PGR: variants seen among roughly 807,000 people sequenced by gnomAD.
PGR encodes the protein progesterone receptor, also known as nuclear receptor subfamily 3 group C member 3.
Under a neutral mutation model 76.1 loss-of-function variants are expected in PGR, and 25 were observed. The ratio of observed to expected loss-of-function variants is 0.33; its 90% CI spans 0.24 to 0.46. PGR has a LOEUF of 0.46. Ranked by LOEUF, PGR falls within the 20% of genes least tolerant of loss-of-function variation. The pLI is 1.00. For synonymous variants in PGR, 579 were observed against 535.0 expected (o/e 1.08, Z -1.14); for missense variants, 1,172 against 1,225.3 (o/e 0.96, Z 0.65).
intron 2 of PGR, among the ~76,000 whole-genome samples, chr11:101,110,566 G>A (rs775033916): frequency 7.9e-5 from 12 of 152,100 alleles, no homozygotes; most frequent in East Asian, 3.8e-4. Context: ...CAAAGAAAGC[G>A]GTTTCTTGAG....
chr11:101,105,149 A>G (rs1038410247), intron 2 of PGR, among the ~76,000 whole-genome samples: 1 of 152,180 alleles, frequency 6.6e-6, no homozygotes, highest in African/African-American at 2.4e-5. Context: ...AGAGTGCAGC[A>G]GAGTGCAGAT....
Position 101,062,528 on chromosome 11 carries a change from A to AGGT in PGR, c.2128_2130dup (p.Thr710dup), listed in dbSNP as rs773611383. On this transcript the variant is annotated inframe_insertion, in exon 4 of 8. Coordinates refer to ENST00000325455, the MANE Select transcript of PGR (RefSeq NM_000926.4). Reference sequence around the variant, plus strand: ...TTAAGACTTGTCAGCAAAGAACTGGAGGTGTCAGGTTTTGTGTTGTCATGT... The same window carrying AGGT: ...TTAAGACTTGTCAGCAAAGAACTGGAGGTGGTGTCAGGTTTTGTGTTGTCATGT... 1.2e-6 allele frequency: 2 copies of AGGT among 1,614,000 alleles called. No homozygotes were observed. The highest frequency in any genetic ancestry group is 1.7e-6 in the Non-Finnish European group (2 of 1,179,898).
chr11:101,070,431 T>G (rs1205226942), intron 3 of PGR, among the ~76,000 whole-genome samples: 1 of 152,034 alleles, frequency 6.6e-6, no homozygotes, highest in East Asian at 1.9e-4. Context: ...CTGCAGGAGT[T>G]TTTTTTCATA....
At chr11:101,066,012 T>G (rs912151472) in intron 3 of PGR, among the ~76,000 whole-genome samples, 2 of 152,188 alleles carry the variant, frequency 1.3e-5, no homozygotes, top group Admixed American at 1.3e-4. Context: ...ACTCCTGACA[T>G]TTCAATACCA....
intron 4 of PGR, among the ~76,000 whole-genome samples, chr11:101,059,391 T>C (rs1474093167): frequency 6.6e-6 from 1 of 152,058 alleles, no homozygotes; most frequent in African/African-American, 2.4e-5. Context: ...AAAATTCAAA[T>C]ATCGTGTTGC....
At chr11:101,099,269 T>C (rs942544188) in intron 2 of PGR, among the ~76,000 whole-genome samples, 2 of 152,226 alleles carry the variant, frequency 1.3e-5, no homozygotes, top group African/African-American at 4.8e-5. Context: ...AAAATGTGGA[T>C]GAACTACATA....
intron 5 of PGR, among the ~76,000 whole-genome samples, chr11:101,050,314 A>G (rs1860042290): frequency 6.6e-6 from 1 of 152,180 alleles, no homozygotes; most frequent in African/African-American, 2.4e-5. Context: ...ACCAAGATTA[A>G]CATTGTTTCT....
rs547331935 is a variant in PGR at position 101,044,064 on chromosome 11, A to G, written c.2489-1962T>C. Among the ~76,000 whole-genome samples, 3 of 152,326 alleles carry G rather than the reference A, an allele frequency of 2.0e-5. No homozygotes were observed. In the East Asian group the frequency reaches 5.8e-4, roughly 29 times the overall value. ...CAACCTGTCATTTGAAGCTTTGAAG[A>G]CAGACATTGACTTGTTCTCTGTAGC... is the stretch of plus-strand genomic sequence containing the variant. On this transcript the variant is annotated intron_variant, in intron 6 of 7. Coordinates refer to ENST00000325455, the MANE Select transcript of PGR (RefSeq NM_000926.4).
chr11:101,125,874 T>C, intron 2 of PGR, 133 bp downstream of exon 2: 2 of 800,642 alleles, frequency 2.5e-6, no homozygotes, highest in Middle Eastern at 3.6e-4. Flanking sequence ...TAAAATGTCA[T>C]CATATATTTT....
chr11:101,107,062 G>A (rs1476584868), intron 2 of PGR, among the ~76,000 whole-genome samples: 1 of 152,098 alleles, frequency 6.6e-6, no homozygotes, highest in Non-Finnish European at 1.5e-5. Context: ...GGGCCTGTCA[G>A]GGGATGGGGG....
chr11:101,050,036 A>G lies in PGR; in HGVS notation c.2381T>C (p.Phe794Ser). 6.2e-7 allele frequency: 1 copy of G among 1,612,754 alleles called. No homozygotes were observed. The highest frequency in any genetic ancestry group is 8.5e-7 in the Non-Finnish European group (1 of 1,179,216). The change falls in exon 6 of 8, where the codon TTC (phenylalanine) becomes TCC (serine). Residue 794 changes from phenylalanine to serine, a missense_variant. Coordinates refer to ENST00000325455, the MANE Select transcript of PGR (RefSeq NM_000926.4). Reference protein sequence around the residue: ...LNEQRMKESSFYSLCLTMWQI... With the variant: ...LNEQRMKESSSYSLCLTMWQI... ...CCACATGGTAAGGCATAATGAATAG[A>G]ATGATGATTCTTTCATCCGCTGTCT...
intron 3 of PGR, among the ~76,000 whole-genome samples, chr11:101,081,915 C>A (rs1861320464): frequency 6.6e-6 from 1 of 152,146 alleles, no homozygotes; most frequent in Non-Finnish European, 1.5e-5. Context: ...TAAAAATTAA[C>A]CTTGAACGTA....
At chr11:101,122,488 T>A (rs1352516840) in intron 2 of PGR, among the ~76,000 whole-genome samples, 1 of 152,220 alleles carries the variant, frequency 6.6e-6, no homozygotes. Flanking sequence ...GTAGTCTGCA[T>A]TTGTAGGACT....
intron 3 of PGR, among the ~76,000 whole-genome samples, chr11:101,086,011 C>T (rs1283300941): frequency 1.3e-5 from 2 of 152,124 alleles, no homozygotes; most frequent in East Asian, 3.9e-4. Flanking sequence ...CTAAATTCTA[C>T]CAGATGCACA....
intron 2 of PGR, among the ~76,000 whole-genome samples, chr11:101,098,239 G>GGAAATAAAATATCTTTATTAT (rs1861895479): frequency 6.6e-6 from 1 of 151,878 alleles, no homozygotes. Flanking sequence ...ATCTTTATTA[G>GGAAATAAAATATCTTTATTAT]AAACAAGAAA....
At position 101,034,598 on chromosome 11, in the gene PGR, C is replaced by T. The variant is rs1389603281; in HGVS notation, c.*4518G>A. 11 of 172,516 alleles carry T rather than the reference C, an allele frequency of 6.4e-5. No individual in the cohort carries two copies. The Admixed American group carries it at 7.0e-4, about 11-fold the overall frequency. 10.7% of individuals were successfully genotyped at this position (172,516 alleles called of 1,614,324 possible). On this transcript the variant is annotated 3_prime_UTR_variant, in exon 8 of 8. Transcript: ENST00000325455. ...CCTGCTTCTTTTCAGCTTTTAAGGC[C>T]ACATTGATTCTAGGCCGAACTTTAG...
Position 101,051,996 on chromosome 11 carries a change from A to G in PGR, c.2213-428T>C, listed in dbSNP as rs561578493. 3.2e-4 allele frequency among the ~76,000 whole-genome samples: 48 copies of G among 152,270 alleles called. 2 individuals carry two copies. In the South Asian group the frequency reaches 9.7e-3, roughly 31 times the overall value. On this transcript the variant is annotated intron_variant, in intron 4 of 7. Coordinates refer to ENST00000325455, the MANE Select transcript of PGR (RefSeq NM_000926.4). ...AGGTTAAAAGGGAGTGTATCAGTCA[A>G]TCGGGAGGGAGGTCAGGAAAAACTT...
At chr11:101,053,970 T>C (rs1454793156) in intron 4 of PGR, among the ~76,000 whole-genome samples, 3 of 152,108 alleles carry the variant, frequency 2.0e-5, no homozygotes, top group African/African-American at 7.2e-5. Context: ...CCATGGAACA[T>C]ATACTAACAG....
Position 101,035,255 on chromosome 11 carries a change from G to A in PGR, c.*3861C>T. 1 of 225,490 alleles carries A rather than the reference G, an allele frequency of 4.4e-6. No individual in the cohort carries two copies. Among genetic ancestry groups the A allele is most frequent in the Non-Finnish European group, 8.8e-6 (1 of 113,254 alleles). The allele number at this position is 225,490 out of a possible 1,614,324, so 14.0% of individuals were successfully genotyped here. On this transcript the variant is annotated 3_prime_UTR_variant, in exon 8 of 8. Transcript: ENST00000325455. The stretch of plus-strand genomic sequence containing the variant: ...AATTTGAAAAAAAATGTATGTTTTG[G>A]CAAGTTTTGAATGCTTCTTATGCAC...
Sources: gnomAD v4.1 joint callset for allele counts (sites outside exome capture counted in the v4.1 genomes callset) on GRCh38, gnomAD v4.1.1 for gene constraint, MANE v1.5 for transcripts, NCBI Gene and HGNC (gene_info 2026-07-23, HGNC 2026-07-21) for gene names.